The following ATP9A variants were observed in gnomAD, a reference collection of about 807,000 sequenced individuals.
The protein encoded by ATP9A is ATPase phospholipid transporting 9A.
Under a neutral mutation model 144.1 loss-of-function variants are expected in ATP9A, and 52 were observed. The ratio of observed to expected loss-of-function variants is 0.36; its 90% CI spans 0.29 to 0.45. The LOEUF is 0.45. Among genes scored for constraint, ATP9A ranks in the 20% least tolerant of loss-of-function variants. ATP9A has a pLI of 1.00. For synonymous variants in ATP9A, 582 were observed against 557.4 expected (o/e 1.04, Z -0.62); for missense variants, 947 against 1,392.7 (o/e 0.68, Z 5.09).
At chr20:51,740,098 C>T (rs2077778553) in intron 1 of ATP9A, among the ~76,000 whole-genome samples, 1 of 152,070 alleles carries the variant, frequency 6.6e-6, no homozygotes, top group Admixed American at 6.6e-5. Flanking sequence ...ACTCTGTTAC[C>T]CAGGCTGCAG....
chr20:51,723,375 C>A (rs2077697739), intron 3 of ATP9A, among the ~76,000 whole-genome samples: 1 of 151,730 alleles, frequency 6.6e-6, no homozygotes, highest in African/African-American at 2.4e-5. Flanking sequence ...TAACAACATA[C>A]CACCTGTACC....
intron 4 of ATP9A, among the ~76,000 whole-genome samples, chr20:51,711,155 C>T (rs2077636864): frequency 6.6e-6 from 1 of 152,154 alleles, no homozygotes. Flanking sequence ...AGCAACATGT[C>T]CTAAATACAG....
chr20:51,652,094 A>C (rs990524475), intron 14 of ATP9A, among the ~76,000 whole-genome samples: 3 of 151,900 alleles, frequency 2.0e-5, no homozygotes, highest in Non-Finnish European at 4.4e-5. Flanking sequence ...CCCCACTGCC[A>C]CTCCCCACCA....
intron 14 of ATP9A, among the ~76,000 whole-genome samples, chr20:51,656,414 A>C (rs539263038): frequency 1.8e-4 from 27 of 152,106 alleles, no homozygotes; most frequent in Non-Finnish European, 3.7e-4. Flanking sequence ...TTAGCCGGGC[A>C]TGGTGGTGGG....
intron 1 of ATP9A, among the ~76,000 whole-genome samples, chr20:51,747,675 T>C (rs2077814369): frequency 6.6e-6 from 1 of 152,208 alleles, no homozygotes. Flanking sequence ...ATGCTGGGAC[T>C]GTCGCCTTTC....
At chr20:51,663,323 C>T (rs1174907456) in intron 13 of ATP9A, among the ~76,000 whole-genome samples, 1 of 152,182 alleles carries the variant, frequency 6.6e-6, no homozygotes, top group Non-Finnish European at 1.5e-5. Context: ...GGTGTTAATA[C>T]TGGTTACTGC....
intron 1 of ATP9A, among the ~76,000 whole-genome samples, chr20:51,756,599 T>G (rs887753033): frequency 1.3e-5 from 2 of 152,044 alleles, no homozygotes; most frequent in African/African-American, 4.8e-5. Flanking sequence ...CCTCTCTTTC[T>G]GTCTTAATCT....
At chr20:51,642,367 T>C in intron 14 of ATP9A, among the ~76,000 whole-genome samples, 1 of 151,992 alleles carries the variant, frequency 6.6e-6, no homozygotes, top group East Asian at 1.9e-4. Flanking sequence ...GTTGGCCAAA[T>C]TGGTCTCAAA....
At chr20:51,706,238 C>T (rs766572861) in intron 4 of ATP9A, among the ~76,000 whole-genome samples, 1 of 152,216 alleles carries the variant, frequency 6.6e-6, no homozygotes, top group Non-Finnish European at 1.5e-5. Flanking sequence ...AGCTCACCTC[C>T]TGGCACATAG....
At chr20:51,699,804 G>A (rs1363430099) in intron 4 of ATP9A, among the ~76,000 whole-genome samples, 1 of 151,968 alleles carries the variant, frequency 6.6e-6, no homozygotes, top group Non-Finnish European at 1.5e-5. Context: ...CACCAAGACT[G>A]GCTAATTTTT....
At chr20:51,765,135 C>G (rs1174019774) in intron 1 of ATP9A, among the ~76,000 whole-genome samples, 3 of 152,034 alleles carry the variant, frequency 2.0e-5, no homozygotes, top group African/African-American at 7.2e-5. Context: ...TTACTTTTTT[C>G]TTCCTTTAAC....
Position 51,670,976 on chromosome 20 carries a change from T to G in ATP9A, c.1180+139A>C, listed in dbSNP as rs543699330. 1.4e-5 allele frequency: 14 copies of G among 991,844 alleles called. No homozygotes were observed. In the South Asian group the frequency reaches 1.9e-4, roughly 13 times the overall value. The allele number at this position is 991,844 out of a possible 1,614,324, so 61.4% of individuals were successfully genotyped here. ...TCATCATCTTCATCACCAAAGAATC[T>G]TCATCAAAAGATGAAGGGAATAAAA... On this transcript the variant is annotated intron_variant, in intron 12 of 27. Coordinates refer to ENST00000338821, the MANE Select transcript of ATP9A (RefSeq NM_006045.3).
At chr20:51,637,699 G>GT (rs5841854) in intron 15 of ATP9A, among the ~76,000 whole-genome samples, 68,228 of 145,626 alleles carry the variant, frequency 0.47, 17,002 homozygotes, top group East Asian at 0.79. Context: ...TGTGCACTCT[G>GT]TTTTTTTTTT....
chr20:51,730,102 T>C, intron 1 of ATP9A, 124 bp from the exon 2 acceptor site: 1 of 1,074,138 alleles, frequency 9.3e-7, no homozygotes, highest in Non-Finnish European at 1.2e-6. Flanking sequence ...CACAGCCATA[T>C]TTGAGGCTTC....
In ATP9A at chr20:51,731,534, C is replaced by G. The variant is rs572718023; in HGVS notation, c.69-1556G>C. ...AGGAGTTCAAGACCAGCCTGGCCAA[C>G]ATGGTGAAACCCCATCTCTACTAGA... On this transcript the variant is annotated intron_variant, in intron 1 of 27. Transcript: ENST00000338821. Among the ~76,000 whole-genome samples the G allele has an allele frequency of 1.8e-3, 269 of 151,614 alleles. 1 individual carries two copies. The highest frequency in any genetic ancestry group is 2.9e-3 in the Non-Finnish European group (196 of 67,876).
At chr20:51,635,119 G>T (rs2077285544) in intron 15 of ATP9A, among the ~76,000 whole-genome samples, 2 of 152,200 alleles carry the variant, frequency 1.3e-5, no homozygotes, top group African/African-American at 4.8e-5. Context: ...GTGGGTGACA[G>T]AAGACTGTGA....
At chr20:51,638,071 T>TTATG in intron 15 of ATP9A, among the ~76,000 whole-genome samples, 1 of 34,194 alleles carries the variant, frequency 2.9e-5, no homozygotes, top group Non-Finnish European at 5.8e-5. Flanking sequence ...TTTCATCATT[T>TTATG]TATATATATA....
intron 3 of ATP9A, among the ~76,000 whole-genome samples, chr20:51,719,749 G>A (rs945795202): frequency 4.7e-5 from 6 of 128,580 alleles, no homozygotes; most frequent in Non-Finnish European, 9.4e-5. Flanking sequence ...AAAAAAAGGG[G>A]GGGGAAGAAG....
intron 9 of ATP9A, among the ~76,000 whole-genome samples, chr20:51,684,558 C>T (rs569020459): frequency 2.7e-5 from 4 of 150,512 alleles, no homozygotes; most frequent in African/African-American, 7.3e-5. Context: ...TAGCCAGGCG[C>T]GGTGCCAGGC....
Sources: gnomAD v4.1 joint callset for allele counts (sites outside exome capture counted in the v4.1 genomes callset) on GRCh38, gnomAD v4.1.1 for gene constraint, MANE v1.5 for transcripts, NCBI Gene and HGNC (gene_info 2026-07-23, HGNC 2026-07-21) for gene names.